Variants in LARGE1 observed in about 807,000 individuals in gnomAD.
The protein encoded by LARGE1 is xylosyl- and glucuronyltransferase LARGE1.
A neutral mutation model predicts 87.6 loss-of-function variants in LARGE1; 43 were observed. The ratio of observed to expected loss-of-function variants is 0.49; its 90% CI spans 0.38 to 0.63. LARGE1 has a LOEUF of 0.63. Among genes scored for constraint, LARGE1 ranks in the 30% least tolerant of loss-of-function variants. LARGE1 has a pLI of 0.00. For missense variants in LARGE1, 802 were observed against 1,000.2 expected, an observed-to-expected ratio of 0.80 and a Z score of 2.67; for synonymous variants, 434 against 394.6, an observed-to-expected ratio of 1.10 and a Z score of -1.18.
At chr22:33,117,531 G>A in the LARGE1 span, among the ~76,000 whole-genome samples, 1 of 151,896 alleles carries the variant, frequency 6.6e-6, no homozygotes, top group African/African-American at 2.4e-5. Flanking sequence ...ATTGGGGAGG[G>A]TCAGGATACA....
chr22:33,399,152 A>C (rs2065853456), intron 7 of LARGE1, among the ~76,000 whole-genome samples: 1 of 151,830 alleles, frequency 6.6e-6, no homozygotes, highest in African/African-American at 2.4e-5. Flanking sequence ...GCCCCGACCA[A>C]GAGGCCCCCA....
In LARGE1 at chr22:33,302,144, G is replaced by A. The variant is rs578011027; in HGVS notation, c.1730+2085C>T. Among the ~76,000 whole-genome samples, 3 of 152,324 alleles carry A rather than the reference G, an allele frequency of 2.0e-5. No homozygotes were observed. The East Asian group carries it at 5.8e-4, about 29-fold the overall frequency. The stretch of plus-strand genomic sequence containing the variant: ...CCCTTGGGAGCCTGTCATCCCGGAA[G>A]CTGCCCAAGTTTCAGAATCTGCAGG... On this transcript the variant is annotated intron_variant, in intron 12 of 14. Transcript: ENST00000397394.
At chr22:33,582,656 C>A (rs949415848) in intron 5 of LARGE1, among the ~76,000 whole-genome samples, 1 of 152,146 alleles carries the variant, frequency 6.6e-6, no homozygotes, top group Non-Finnish European at 1.5e-5. Flanking sequence ...CCCTGGTCAC[C>A]CAGCAGGTAC....
chr22:33,813,553 A>T (rs562129059), intron 1 of LARGE1, among the ~76,000 whole-genome samples: 2 of 152,252 alleles, frequency 1.3e-5, no homozygotes, highest in South Asian at 4.2e-4. Context: ...GAAATGTTGA[A>T]GTCTTACTCA....
intron 2 of LARGE1, among the ~76,000 whole-genome samples, chr22:33,755,685 C>CA (rs768793127): frequency 2.6e-5 from 4 of 152,130 alleles, no homozygotes; most frequent in Non-Finnish European, 4.4e-5. Flanking sequence ...CCTCAGGTCT[C>CA]AAAAATCACA....
At chr22:33,911,382 T>C (rs1434867033) in intron 1 of LARGE1, among the ~76,000 whole-genome samples, 1 of 152,130 alleles carries the variant, frequency 6.6e-6, no homozygotes, top group Non-Finnish European at 1.5e-5. Flanking sequence ...AGTGCTCTTG[T>C]AACTGAGAAA....
chr22:33,376,757 T>A (rs2065006979), intron 9 of LARGE1, among the ~76,000 whole-genome samples: 1 of 152,228 alleles, frequency 6.6e-6, no homozygotes. Context: ...TAATTTTGTA[T>A]CTGTTACTTG....
At chr22:33,454,205 C>A (rs1011833690) in intron 6 of LARGE1, among the ~76,000 whole-genome samples, 1 of 152,072 alleles carries the variant, frequency 6.6e-6, no homozygotes. Flanking sequence ...AGGGGGTGCA[C>A]GTACCATAAA....
At chr22:33,758,190 A>T (rs1176650012) in intron 2 of LARGE1, among the ~76,000 whole-genome samples, 3 of 152,192 alleles carry the variant, frequency 2.0e-5, no homozygotes, top group East Asian at 3.9e-4. Flanking sequence ...TTCAGGGGAC[A>T]GCCCTTTGTC....
chr22:33,876,098 T>C (rs942788118), intron 1 of LARGE1, among the ~76,000 whole-genome samples: 1 of 152,188 alleles, frequency 6.6e-6, no homozygotes, highest in African/African-American at 2.4e-5. Flanking sequence ...GTAATTTCTG[T>C]GTCTGAATCA....
chr22:33,651,621 CT>C (rs574046311), intron 2 of LARGE1, among the ~76,000 whole-genome samples: 192 of 152,202 alleles, frequency 1.3e-3, no homozygotes, highest in Non-Finnish European at 2.1e-3. Context: ...AACAGCTTTA[CT>C]AAATGTTGCC....
At chr22:33,585,255 C>T (rs551857766) in intron 5 of LARGE1, among the ~76,000 whole-genome samples, 33 of 152,250 alleles carry the variant, frequency 2.2e-4, no homozygotes, top group African/African-American at 6.5e-4. Context: ...ACAAAGGAGA[C>T]GGGGGAGATT....
At chr22:33,192,182 A>G (rs543152335) in intron 11 of LARGE1, among the ~76,000 whole-genome samples, 77 of 152,326 alleles carry the variant, frequency 5.1e-4, no homozygotes, top group Middle Eastern at 6.8e-3. Context: ...AGAGTTTTAC[A>G]TATCATTAAG....
At chr22:33,189,840 G>A (rs1349674567) in intron 11 of LARGE1, among the ~76,000 whole-genome samples, 2 of 152,134 alleles carry the variant, frequency 1.3e-5, no homozygotes, top group African/African-American at 4.8e-5. Flanking sequence ...GTTAGGAGTC[G>A]AAGGTAAACA....
At chr22:33,178,509 T>C (rs1922997635) in intron 11 of LARGE1, among the ~76,000 whole-genome samples, 1 of 152,224 alleles carries the variant, frequency 6.6e-6, no homozygotes, top group Admixed American at 6.5e-5. Flanking sequence ...GTCTTAGAGC[T>C]GATGAGTGGG....
intron 5 of LARGE1, among the ~76,000 whole-genome samples, chr22:33,579,347 T>A (rs1331867384): frequency 1.3e-5 from 2 of 152,204 alleles, no homozygotes; most frequent in Admixed American, 6.5e-5. Flanking sequence ...TTGTGAGGCA[T>A]CCCCAGCCAC....
At chr22:33,911,731 G>A (rs1381547426) in intron 1 of LARGE1, among the ~76,000 whole-genome samples, 2 of 152,178 alleles carry the variant, frequency 1.3e-5, no homozygotes, top group African/African-American at 2.4e-5. Context: ...AAGAAAGCAC[G>A]CATTTCGGTA....
intron 6 of LARGE1, among the ~76,000 whole-genome samples, chr22:33,522,692 G>A (rs1361802345): frequency 1.3e-5 from 2 of 152,058 alleles, no homozygotes; most frequent in Non-Finnish European, 1.5e-5. Context: ...TTAGCTGGGC[G>A]TGGTGGCATG....
chr22:33,095,780 C>A, the LARGE1 span, among the ~76,000 whole-genome samples: 6 of 152,172 alleles, frequency 3.9e-5, no homozygotes, highest in Admixed American at 6.5e-5. Flanking sequence ...TGGCTTCAAC[C>A]ATCGTTTCCT....
Sources: allele counts gnomAD v4.1 joint callset (sites outside exome capture counted in the v4.1 genomes callset), GRCh38; gene constraint gnomAD v4.1.1; transcripts MANE v1.5; gene names NCBI Gene and HGNC (gene_info 2026-07-23, HGNC 2026-07-21).